CHL1: variants seen among roughly 807,000 people sequenced by gnomAD.
CHL1 encodes neural cell adhesion molecule L1-like protein.
CHL1 carries 96 observed loss-of-function variants against 141.9 expected under a neutral mutation model. The ratio of observed to expected loss-of-function variants is 0.68; its 90% CI spans 0.57 to 0.80. The LOEUF is 0.80. CHL1 is among the 30% of genes least tolerant of loss of function. The pLI, the probability that CHL1 is intolerant of heterozygous loss-of-function variation, is 0.00. For missense variants in CHL1, 1,820 were observed against 1,457.2 expected (o/e 1.25, Z -4.05); for synonymous variants, 613 against 502.2 (o/e 1.22, Z -2.95).
intron 2 of CHL1, among the ~76,000 whole-genome samples, chr3:288,435 A>G (rs1247274572): frequency 6.6e-6 from 1 of 151,952 alleles, no homozygotes; most frequent in Admixed American, 6.5e-5. Context: ...CTACTAATGT[A>G]CAATATATCC....
At chr3:218,007 C>A (rs1193468880) in intron 1 of CHL1, among the ~76,000 whole-genome samples, 1 of 152,078 alleles carries the variant, frequency 6.6e-6, no homozygotes, top group Non-Finnish European at 1.5e-5. Context: ...TATTGTACTT[C>A]TATTAAGATG....
chr3:274,243 T>C (rs986298286), intron 2 of CHL1, among the ~76,000 whole-genome samples: 2 of 152,200 alleles, frequency 1.3e-5, no homozygotes, highest in Non-Finnish European at 2.9e-5. Context: ...GATAGATTGT[T>C]AAAAGCAGAT....
At chr3:339,867 A>C (rs1702226236) in intron 5 of CHL1, among the ~76,000 whole-genome samples, 1 of 152,204 alleles carries the variant, frequency 6.6e-6, no homozygotes, top group Non-Finnish European at 1.5e-5. Context: ...ATACAAATAA[A>C]TACCTTCTAA....
intron 11 of CHL1, among the ~76,000 whole-genome samples, chr3:355,275 C>T (rs985675800): frequency 6.6e-6 from 1 of 152,138 alleles, no homozygotes; most frequent in African/African-American, 2.4e-5. Flanking sequence ...GGAGGCATCC[C>T]AAGTCTGAAC....
chr3:224,658 C>G (rs1701160364), intron 1 of CHL1, among the ~76,000 whole-genome samples: 1 of 152,160 alleles, frequency 6.6e-6, no homozygotes, highest in South Asian at 2.1e-4. Flanking sequence ...CATGCTTGTA[C>G]AGCTTGAAGA....
intron 2 of CHL1, among the ~76,000 whole-genome samples, chr3:276,712 AT>A (rs1488849792): frequency 5.3e-5 from 8 of 151,862 alleles, no homozygotes; most frequent in East Asian, 1.9e-4. Flanking sequence ...ACAGGGTGAA[AT>A]CCCTTCTCTA....
chr3:346,770 GT>G (rs1456395404), intron 9 of CHL1, among the ~76,000 whole-genome samples: 1 of 151,994 alleles, frequency 6.6e-6, no homozygotes, highest in Non-Finnish European at 1.5e-5. Context: ...TTTTTAAAAA[GT>G]TTTTTGGGTC....
At chr3:357,794 G>A (rs1302882923) in intron 11 of CHL1, among the ~76,000 whole-genome samples, 1 of 152,174 alleles carries the variant, frequency 6.6e-6, no homozygotes, top group Non-Finnish European at 1.5e-5. Context: ...CATTTATATA[G>A]TCTAATTTCT....
chr3:294,113 G>A (rs1000278097), intron 2 of CHL1, among the ~76,000 whole-genome samples: 1 of 151,920 alleles, frequency 6.6e-6, no homozygotes, highest in African/African-American at 2.4e-5. Context: ...GAGCCTAGGA[G>A]TTCAAGACCA....
intron 5 of CHL1, among the ~76,000 whole-genome samples, chr3:338,837 A>G (rs1702138882): frequency 6.6e-6 from 1 of 152,222 alleles, no homozygotes; most frequent in African/African-American, 2.4e-5. Context: ...TGTATAATCT[A>G]GATTTAATTA....
intron 26 of CHL1, 59 bp downstream of exon 26, chr3:399,207 T>C (rs1708916395): frequency 7.7e-6 from 11 of 1,429,874 alleles, no homozygotes; most frequent in Non-Finnish European, 9.8e-6. Flanking sequence ...TGGGAAGCAT[T>C]CTTCAGAGAC....
chr3:238,054 A>T (rs1692168075), intron 1 of CHL1, among the ~76,000 whole-genome samples: 1 of 152,198 alleles, frequency 6.6e-6, no homozygotes, highest in Non-Finnish European at 1.5e-5. Context: ...TGTTAGACAT[A>T]TTGAAGAATT....
At chr3:267,975 C>G (rs76259999) in intron 2 of CHL1, among the ~76,000 whole-genome samples, 8 of 152,056 alleles carry the variant, frequency 5.3e-5, no homozygotes, top group African/African-American at 1.4e-4. Context: ...TAAAATGATT[C>G]TTTCCTATGA....
intron 23 of CHL1, 73 bp downstream of exon 23, chr3:391,870 T>C (rs946738527): frequency 8.1e-7 from 1 of 1,231,898 alleles, no homozygotes; most frequent in African/African-American, 1.5e-5. Context: ...TGTGCTATGT[T>C]GGGAGTCTAA....
At chr3:257,316 A>C (rs11714385) in intron 2 of CHL1, among the ~76,000 whole-genome samples, 6 of 151,344 alleles carry the variant, frequency 4.0e-5, no homozygotes, top group African/African-American at 1.5e-4. Context: ...TTTTATAACT[A>C]ATTTTTAACA....
chr3:374,974 C>G (rs953844006), intron 15 of CHL1, among the ~76,000 whole-genome samples: 2 of 152,152 alleles, frequency 1.3e-5, no homozygotes, highest in African/African-American at 4.8e-5. Flanking sequence ...TCGCTTGTCC[C>G]CTTTCTTGTG....
chr3:218,355 G>C (rs1700511884), intron 1 of CHL1, among the ~76,000 whole-genome samples: 1 of 152,178 alleles, frequency 6.6e-6, no homozygotes, highest in African/African-American at 2.4e-5. Context: ...TCATAAGCAT[G>C]ATGTGTGTTG....
intron 13 of CHL1, among the ~76,000 whole-genome samples, 198 bp from the exon 14 acceptor site, chr3:363,019 A>G (rs1704436594): frequency 6.6e-6 from 1 of 152,210 alleles, no homozygotes; most frequent in Non-Finnish European, 1.5e-5. Flanking sequence ...TGGATTTTCT[A>G]TAGCCACAGT....
At chr3:260,878 C>G (rs531906788) in intron 2 of CHL1, among the ~76,000 whole-genome samples, 1 of 152,294 alleles carries the variant, frequency 6.6e-6, no homozygotes, top group African/African-American at 2.4e-5. Flanking sequence ...TCAGACTTTT[C>G]CACAAGGCGT....
Sources: gnomAD v4.1 joint callset for allele counts (sites outside exome capture counted in the v4.1 genomes callset) on GRCh38, gnomAD v4.1.1 for gene constraint, MANE v1.5 for transcripts, NCBI Gene and HGNC (gene_info 2026-07-23, HGNC 2026-07-21) for gene names.